The following POU6F2 variants were observed in gnomAD, a reference collection of about 807,000 sequenced individuals.
The protein encoded by POU6F2 is POU domain, class 6, transcription factor 2.
In POU6F2, 31 loss-of-function variants were observed where a neutral mutation model predicts 71.3. The ratio of observed to expected loss-of-function variants is 0.43; its 90% CI spans 0.33 to 0.59. The LOEUF is 0.59. Among genes scored for constraint, POU6F2 ranks in the 20% least tolerant of loss-of-function variants. The pLI is 0.04. For synonymous variants in POU6F2, 347 were observed against 355.7 expected (o/e 0.98, Z 0.27); for missense variants, 783 against 856.8 (o/e 0.91, Z 1.07).
intron 1 of POU6F2, among the ~76,000 whole-genome samples, chr7:38,982,937 G>C (rs1389124732): frequency 6.6e-6 from 1 of 151,988 alleles, no homozygotes; most frequent in Non-Finnish European, 1.5e-5. Context: ...AGTGAAGGAT[G>C]TTTCTTCACT....
At chr7:39,009,262 A>C (rs1789186045) in intron 1 of POU6F2, among the ~76,000 whole-genome samples, 1 of 151,510 alleles carries the variant, frequency 6.6e-6, no homozygotes, top group East Asian at 2.0e-4. Flanking sequence ...TGGATTCCTA[A>C]GTATTTTATT....
intron 5 of POU6F2, among the ~76,000 whole-genome samples, chr7:39,366,761 A>G (rs1786509992): frequency 6.6e-6 from 1 of 152,138 alleles, no homozygotes; most frequent in African/African-American, 2.4e-5. Flanking sequence ...AGGACCAGGA[A>G]TTCCAGAGAG....
At chr7:39,070,936 T>C (rs933113223) in intron 1 of POU6F2, among the ~76,000 whole-genome samples, 10 of 152,102 alleles carry the variant, frequency 6.6e-5, no homozygotes, top group African/African-American at 2.4e-4. Context: ...TCCCATCACT[T>C]AGAGGAGTGG....
intron 4 of POU6F2, among the ~76,000 whole-genome samples, chr7:39,295,940 CT>C (rs1784837271): frequency 6.6e-6 from 1 of 152,162 alleles, no homozygotes. Context: ...GTTATCAGCC[CT>C]TCACACTTTA....
chr7:39,057,313 T>C (rs1046399960), intron 1 of POU6F2, among the ~76,000 whole-genome samples: 1 of 152,160 alleles, frequency 6.6e-6, no homozygotes, highest in Non-Finnish European at 1.5e-5. Context: ...TTTAAAAAAA[T>C]TCTCTCTAAA....
chr7:39,018,215 C>A (rs1244023563), intron 1 of POU6F2, among the ~76,000 whole-genome samples: 1 of 152,270 alleles, frequency 6.6e-6, no homozygotes, highest in African/African-American at 2.4e-5. Flanking sequence ...ATGTTCAAAA[C>A]TTCTATCAGG....
intron 4 of POU6F2, among the ~76,000 whole-genome samples, chr7:39,335,628 C>G (rs1785754333): frequency 6.6e-6 from 1 of 152,234 alleles, no homozygotes; most frequent in African/African-American, 2.4e-5. Context: ...CTTTCTGAGA[C>G]TGAGTTCTAT....
chr7:39,092,949 A>G (rs1791385053), intron 2 of POU6F2, among the ~76,000 whole-genome samples: 1 of 152,156 alleles, frequency 6.6e-6, no homozygotes, highest in African/African-American at 2.4e-5. Context: ...CTACCTAACC[A>G]AGATGCATAC....
At chr7:39,283,702 T>C (rs907355061) in intron 4 of POU6F2, among the ~76,000 whole-genome samples, 1 of 152,230 alleles carries the variant, frequency 6.6e-6, no homozygotes, top group Non-Finnish European at 1.5e-5. Context: ...ACTTTTTGGC[T>C]ATTGAGCAAA....
chr7:39,286,153 G>T (rs759757087), intron 4 of POU6F2, among the ~76,000 whole-genome samples: 3 of 152,094 alleles, frequency 2.0e-5, no homozygotes, highest in Non-Finnish European at 4.4e-5. Context: ...AGTGGGGAGG[G>T]AACCTCTGAA....
chr7:39,349,353 C>A (rs1786094479), intron 5 of POU6F2, among the ~76,000 whole-genome samples: 1 of 152,146 alleles, frequency 6.6e-6, no homozygotes, highest in African/African-American at 2.4e-5. Flanking sequence ...CTCTAGTGCT[C>A]ACACAACCGG....
At chr7:39,329,744 G>T (rs994752425) in intron 4 of POU6F2, among the ~76,000 whole-genome samples, 1 of 152,088 alleles carries the variant, frequency 6.6e-6, no homozygotes, top group Admixed American at 6.5e-5. Flanking sequence ...CCATCCTGCT[G>T]TCCTCACTCC....
At chr7:39,228,029 C>T (rs372822679) in intron 4 of POU6F2, among the ~76,000 whole-genome samples, 182 of 152,236 alleles carry the variant, frequency 1.2e-3, no homozygotes, top group Non-Finnish European at 1.7e-3. Flanking sequence ...CCCTGCCTTA[C>T]CAGAAGACAC....
chr7:39,062,905 G>A (rs1312921009), intron 1 of POU6F2, among the ~76,000 whole-genome samples: 1 of 151,510 alleles, frequency 6.6e-6, no homozygotes, highest in Non-Finnish European at 1.5e-5. Context: ...GTGGAGGAGT[G>A]GGGAGAATAA....
intron 4 of POU6F2, among the ~76,000 whole-genome samples, chr7:39,325,180 T>C (rs1785482201): frequency 6.6e-6 from 1 of 152,228 alleles, no homozygotes; most frequent in African/African-American, 2.4e-5. Context: ...GGCAAAGGTA[T>C]ATTTTTAATC....
At chr7:39,125,055 G>A (rs1253572689) in intron 2 of POU6F2, among the ~76,000 whole-genome samples, 1 of 151,628 alleles carries the variant, frequency 6.6e-6, no homozygotes, top group African/African-American at 2.4e-5. Flanking sequence ...TTACTACTGG[G>A]CCTTGATATA....
intron 1 of POU6F2, among the ~76,000 whole-genome samples, chr7:39,072,255 A>C (rs1790898230): frequency 6.6e-6 from 1 of 152,208 alleles, no homozygotes; most frequent in Non-Finnish European, 1.5e-5. Flanking sequence ...ATGAGGCTAA[A>C]TTCCAGCCGT....
Position 39,451,663 on chromosome 7 carries a change from C to T in POU6F2, c.1451C>T (p.Ser484Phe). Residue 484 changes from serine (S) to phenylalanine (F), a missense_variant, in exon 8 of 10, where the codon TCC (serine) becomes TTC (phenylalanine). Ser to Phe is a radical substitution (Grantham distance 155). Coordinates refer to ENST00000518318, the MANE Select transcript of POU6F2 (RefSeq NM_001370959.1). ...GCTTCCTCTTCTTCCTCCTCATCCT[C>T]CTCTTCTTCAGCTTTGAGCGTGGGC... ...RQASSSSSSS[S>F]SSSALSVGQL... is the part of the protein sequence containing the mutation. 1 of 1,609,916 alleles carries T rather than the reference C, an allele frequency of 6.2e-7. No individual in the cohort carries two copies. Among genetic ancestry groups the T allele is most frequent in the East Asian group, 2.2e-5 (1 of 44,748 alleles).
intron 2 of POU6F2, among the ~76,000 whole-genome samples, chr7:39,090,034 G>A (rs1791333052): frequency 6.6e-6 from 1 of 151,740 alleles, no homozygotes; most frequent in Non-Finnish European, 1.5e-5. Context: ...GCAAAACCAC[G>A]TATAAGCATT....
Sources: gnomAD v4.1 joint callset for allele counts (sites outside exome capture counted in the v4.1 genomes callset) on GRCh38, gnomAD v4.1.1 for gene constraint, MANE v1.5 for transcripts, NCBI Gene and HGNC (gene_info 2026-07-23, HGNC 2026-07-21) for gene names.